Variants in NDST4 observed in about 807,000 individuals in gnomAD.
NDST4 encodes N-deacetylase and N-sulfotransferase 4.
A neutral mutation model predicts 100.8 loss-of-function variants in NDST4; 63 were observed. That is an observed-to-expected ratio of 0.62 (90% CI 0.51 to 0.77). The LOEUF (loss-of-function observed/expected upper bound fraction) is 0.77. Ranked by LOEUF, NDST4 falls within the 30% of genes least tolerant of loss-of-function variation. The pLI, the probability that NDST4 is intolerant of heterozygous loss-of-function variation, is 0.00. For missense variants in NDST4, 943 were observed against 1,018.4 expected (o/e 0.93, Z 1.01); for synonymous variants, 377 against 361.8 (o/e 1.04, Z -0.48).
At chr4:114,999,624 G>A (rs920933413) in intron 2 of NDST4, among the ~76,000 whole-genome samples, 1 of 151,950 alleles carries the variant, frequency 6.6e-6, no homozygotes, top group Non-Finnish European at 1.5e-5. Context: ...ATAAATAATA[G>A]CATTATCAAA....
At chr4:114,935,812 A>G (rs1219782930) in intron 5 of NDST4, among the ~76,000 whole-genome samples, 2 of 152,298 alleles carry the variant, frequency 1.3e-5, no homozygotes, top group East Asian at 3.9e-4. Context: ...CTGAATTTAC[A>G]TTTTATGATA....
chr4:115,031,885 C>T (rs1328239292), intron 2 of NDST4, among the ~76,000 whole-genome samples: 1 of 151,966 alleles, frequency 6.6e-6, no homozygotes, highest in Non-Finnish European at 1.5e-5. Flanking sequence ...AGGAAAAGTC[C>T]CATGGAACAT....
chr4:115,006,392 G>T (rs1727417760), intron 2 of NDST4, among the ~76,000 whole-genome samples: 1 of 152,090 alleles, frequency 6.6e-6, no homozygotes. Flanking sequence ...CCTATAGGCA[G>T]TTGGAATCCT....
At chr4:114,974,777 T>C (rs566577111) in intron 3 of NDST4, among the ~76,000 whole-genome samples, 5 of 152,240 alleles carry the variant, frequency 3.3e-5, no homozygotes, top group African/African-American at 9.6e-5. Context: ...GTTTTTAGCA[T>C]GTGAAGGACA....
chr4:114,853,727 TC>T (rs1374259582), intron 7 of NDST4, among the ~76,000 whole-genome samples: 12 of 152,232 alleles, frequency 7.9e-5, no homozygotes, highest in African/African-American at 2.9e-4. Flanking sequence ...ATATTTATTA[TC>T]CCAATATTAA....
chr4:114,894,732 G>A (rs1724676173), intron 6 of NDST4, among the ~76,000 whole-genome samples: 1 of 151,936 alleles, frequency 6.6e-6, no homozygotes, highest in African/African-American at 2.4e-5. Flanking sequence ...TAGGCTTTAT[G>A]TCTTCCTCTT....
At chr4:115,078,015 T>C (rs1729224550) in intron 1 of NDST4, among the ~76,000 whole-genome samples, 1 of 152,202 alleles carries the variant, frequency 6.6e-6, no homozygotes, top group Admixed American at 6.5e-5. Flanking sequence ...CTCTTACTCA[T>C]TGTCAATTTT....
chr4:114,861,010 G>T (rs1014779761), intron 7 of NDST4, among the ~76,000 whole-genome samples: 4 of 152,268 alleles, frequency 2.6e-5, no homozygotes, highest in African/African-American at 9.6e-5. Context: ...ACCACACTTT[G>T]AGTAGCACTA....
chr4:114,873,821 G>T (rs1202228996), intron 6 of NDST4, among the ~76,000 whole-genome samples: 1 of 152,100 alleles, frequency 6.6e-6, no homozygotes, highest in Admixed American at 6.6e-5. Context: ...ACTGAAAATA[G>T]TATGAAAAAC....
At chr4:114,974,975 C>T (rs1006052224) in intron 3 of NDST4, among the ~76,000 whole-genome samples, 7 of 152,066 alleles carry the variant, frequency 4.6e-5, no homozygotes, top group African/African-American at 1.7e-4. Context: ...ACAGTCAGTC[C>T]GACAAGGCCA....
intron 4 of NDST4, among the ~76,000 whole-genome samples, chr4:114,958,523 T>G (rs1429885166): frequency 6.6e-6 from 1 of 152,200 alleles, no homozygotes; most frequent in African/African-American, 2.4e-5. Context: ...GGCTTCGGGC[T>G]TTCGTCCTCT....
At chr4:115,071,276 TCACACA>T (rs70964340) in intron 2 of NDST4, among the ~76,000 whole-genome samples, 11,669 of 138,102 alleles carry the variant, frequency 0.084, 519 homozygotes, top group African/African-American at 0.11. Context: ...AAGTATGCCT[TCACACA>T]CACACACACA....
At chr4:115,088,477 T>C (rs946170454) in intron 1 of NDST4, among the ~76,000 whole-genome samples, 2 of 152,032 alleles carry the variant, frequency 1.3e-5, no homozygotes, top group African/African-American at 2.4e-5. Context: ...GTTTCATTTG[T>C]AATTATAATC....
At position 114,852,736 on chromosome 4, in the gene NDST4, G is replaced by T; in HGVS notation, c.1805C>A (p.Pro602Gln). Residue 602 changes from proline (P) to glutamine (Q), a missense_variant, in exon 8 of 14, where the codon CCA (proline) becomes CAA (glutamine). Physicochemically the swap from Pro to Gln is moderately conservative, Grantham distance 76. Transcript: ENST00000264363. Reference sequence around the variant, plus strand: ...TTGGCTATTTTTACCTGTTTTTTGTGGACCAATTACTAGAAATTTTGGTAA... The same window carrying T: ...TTGGCTATTTTTACCTGTTTTTTGTTGACCAATTACTAGAAATTTTGGTAA... ...DHLPKFLVIGPQKTGTTALYL... is the reference protein window; with the variant it reads ...DHLPKFLVIGQQKTGTTALYL... 6.2e-7 allele frequency: 1 copy of T among 1,603,404 alleles called. No individual in the cohort carries two copies. The highest frequency in any genetic ancestry group is 8.5e-7 in the Non-Finnish European group (1 of 1,171,814).
intron 2 of NDST4, among the ~76,000 whole-genome samples, 166 bp from the exon 3 acceptor site, chr4:114,977,440 T>C (rs1324835836): frequency 1.3e-5 from 2 of 151,950 alleles, no homozygotes; most frequent in East Asian, 1.9e-4. Context: ...ATAATTATTA[T>C]AGTCATTATT....
chr4:115,030,866 A>C (rs903416191), intron 2 of NDST4, among the ~76,000 whole-genome samples: 9 of 152,138 alleles, frequency 5.9e-5, no homozygotes, highest in African/African-American at 2.2e-4. Flanking sequence ...TTGGGCCTCA[A>C]CTTTAATCTA....
intron 6 of NDST4, among the ~76,000 whole-genome samples, chr4:114,926,517 C>G (rs972763901): frequency 2.0e-5 from 3 of 151,294 alleles, no homozygotes; most frequent in African/African-American, 7.3e-5. Flanking sequence ...ACTATGAAAA[C>G]AGGATATATC....
chr4:114,878,190 T>C (rs1413569192), intron 6 of NDST4, among the ~76,000 whole-genome samples: 1 of 152,142 alleles, frequency 6.6e-6, no homozygotes, highest in Non-Finnish European at 1.5e-5. Flanking sequence ...AAACTTCAGT[T>C]ATTGATCTTT....
intron 6 of NDST4, among the ~76,000 whole-genome samples, chr4:114,926,770 A>T (rs1252694579): frequency 6.6e-6 from 1 of 152,130 alleles, no homozygotes; most frequent in Non-Finnish European, 1.5e-5. Flanking sequence ...AGAAAAACAA[A>T]ATGTGAAACT....
Sources: allele counts gnomAD v4.1 joint callset (sites outside exome capture counted in the v4.1 genomes callset), GRCh38; gene constraint gnomAD v4.1.1; transcripts MANE v1.5; gene names NCBI Gene and HGNC (gene_info 2026-07-23, HGNC 2026-07-21).